MCMBP: variants seen among roughly 807,000 people sequenced by gnomAD.
MCMBP encodes the protein minichromosome maintenance complex binding protein.
A neutral mutation model predicts 81.3 loss-of-function variants in MCMBP; 31 were observed. That is an observed-to-expected ratio of 0.38 (90% confidence interval 0.29 to 0.51). The LOEUF (loss-of-function observed/expected upper bound fraction) is 0.51, where lower values mean the gene tolerates loss of function less well. Among genes scored for constraint, MCMBP ranks in the 20% least tolerant of loss-of-function variants. The probability of loss-of-function intolerance (pLI) is 0.87; values close to 1 mark genes in which losing one functional copy is unlikely to be tolerated. For synonymous variants in MCMBP, 267 were observed against 275.9 expected, an observed-to-expected ratio of 0.97 and a Z score of 0.32; for missense variants, 645 against 772.1, an observed-to-expected ratio of 0.84 and a Z score of 1.95.
chr10:119,838,457 CTCT>C (rs1852327268), intron 12 of MCMBP, 75 bp downstream of exon 12: 1 of 1,395,094 alleles, frequency 7.2e-7, no homozygotes, highest in Non-Finnish European at 9.8e-7. Context: ...TCCATAGATA[CTCT>C]TCTAAAAGTT....
intron 12 of MCMBP, among the ~76,000 whole-genome samples, chr10:119,837,814 C>T (rs971276907): frequency 6.6e-6 from 1 of 152,022 alleles, no homozygotes; most frequent in African/African-American, 2.4e-5. Context: ...TAGATCTTTT[C>T]TACACTTCCC....
At chr10:119,852,468 AG>A (rs1365520208) in intron 6 of MCMBP, among the ~76,000 whole-genome samples, 1 of 152,188 alleles carries the variant, frequency 6.6e-6, no homozygotes, top group Non-Finnish European at 1.5e-5. Flanking sequence ...TGAGCCCAGG[AG>A]TTTGAGACCA....
intron 1 of MCMBP, among the ~76,000 whole-genome samples, chr10:119,871,257 T>C (rs540210284): frequency 3.3e-5 from 5 of 152,214 alleles, no homozygotes; most frequent in Non-Finnish European, 7.3e-5. Context: ...TTATCATTTC[T>C]AGAATTCTTA....
intron 14 of MCMBP, among the ~76,000 whole-genome samples, chr10:119,834,586 G>A (rs1358680772): frequency 1.3e-5 from 2 of 152,078 alleles, no homozygotes; most frequent in African/African-American, 2.4e-5. Flanking sequence ...GGAGGCTAAG[G>A]AGAGAGGATC....
At position 119,856,676 on chromosome 10, in the gene MCMBP, G is replaced by A. The variant is rs533946718; in HGVS notation, c.429+662C>T. Among the ~76,000 whole-genome samples, 10 of 152,204 alleles carry A rather than the reference G, an allele frequency of 6.6e-5. No homozygotes were observed. In the South Asian group the frequency reaches 1.9e-3, roughly 28 times the overall value. ...AAATCTGTGCATTTCAGTGTAGGTG[G>A]GCCATGCCTTAAAAAATTACTATCG... On this transcript the variant is annotated intron_variant, in intron 5 of 15. Coordinates refer to ENST00000369077, the MANE Select transcript of MCMBP (RefSeq NM_001256378.2).
chr10:119,832,460 C>T (rs777397610), intron 14 of MCMBP, among the ~76,000 whole-genome samples: 8 of 152,178 alleles, frequency 5.3e-5, no homozygotes, highest in Non-Finnish European at 1.0e-4. Flanking sequence ...ACCATACTTG[C>T]AGCAATCCAG....
chr10:119,849,575 C>A lies in MCMBP; in HGVS notation c.576G>T (p.Gly192=), dbSNP rs1174251337. The A allele has an allele frequency of 1.3e-6, 2 of 1,573,464 alleles. No individual in the cohort carries two copies. Among genetic ancestry groups the A allele is most frequent in the Non-Finnish European group, 1.7e-6 (2 of 1,167,948 alleles). ...CACACCATTGAAGACCACCAACACT[C>A]CCTAAATTCAAAGGATAGCATTGCA... ...KDQHAGARQA[G]SVGGLQWCGE... The change falls in exon 7 of 16, where the codon GGG becomes GGT. Residue 192 remains glycine (G), a splice_region_variant and synonymous_variant. Coordinates refer to ENST00000369077, the MANE Select transcript of MCMBP (RefSeq NM_001256378.2).
chr10:119,847,858 G>T (rs951756555), intron 7 of MCMBP, 145 bp from the exon 8 acceptor site: 1 of 472,588 alleles, frequency 2.1e-6, no homozygotes, highest in Non-Finnish European at 3.7e-6. Context: ...TATAAATTGA[G>T]ACCAAGAGTC....
chr10:119,832,165 C>T (rs1314290260), intron 14 of MCMBP, 65 bp from the exon 15 acceptor site: 8 of 1,442,304 alleles, frequency 5.5e-6, no homozygotes, highest in Non-Finnish European at 7.6e-6. Context: ...TAACATGGTT[C>T]CTTGACTGAT....
In MCMBP at chr10:119,872,723, C is replaced by A. The variant is rs1330544707; in HGVS notation, c.-139G>T. 1.4e-5 allele frequency: 4 copies of A among 276,628 alleles called. No homozygotes were observed. The highest frequency in any genetic ancestry group is 2.4e-5 in the Non-Finnish European group (4 of 169,352). The allele number at this position is 276,628 out of a possible 1,614,324, so 17.1% of individuals were successfully genotyped here. On this transcript the variant is annotated 5_prime_UTR_variant, in exon 1 of 16. Transcript: ENST00000369077. The stretch of plus-strand genomic sequence containing the variant: ...TTCGCTCGCGCCCTCCCACGCACAG[C>A]GAGCCGCGGGGCGCGGGCCTCCCGC...
chr10:119,869,302 G>A (rs973184061), intron 1 of MCMBP, among the ~76,000 whole-genome samples: 1 of 152,168 alleles, frequency 6.6e-6, no homozygotes, highest in Non-Finnish European at 1.5e-5. Flanking sequence ...GGCTCGGTGT[G>A]GTGGCTCACG....
chr10:119,849,654 C>G (rs771164885), intron 6 of MCMBP, 78 bp from the exon 7 acceptor site: 29 of 1,347,968 alleles, frequency 2.2e-5, no homozygotes, highest in Non-Finnish European at 2.0e-6. Context: ...AAGTGCCTTT[C>G]AAGTTTGATA....
chr10:119,867,524 T>G (rs1162090423), intron 1 of MCMBP, among the ~76,000 whole-genome samples: 1 of 152,174 alleles, frequency 6.6e-6, no homozygotes, highest in Non-Finnish European at 1.5e-5. Context: ...TACCTAACTC[T>G]GTGCCATGGC....
chr10:119,837,859 CT>C, intron 12 of MCMBP, among the ~76,000 whole-genome samples: 1 of 152,108 alleles, frequency 6.6e-6, no homozygotes, highest in African/African-American at 2.4e-5. Flanking sequence ...GCAAAGCTTC[CT>C]CCCATTTCAG....
rs146081288 is a variant in MCMBP at position 119,845,269 on chromosome 10, C to T, written c.828-1843G>A. On this transcript the variant is annotated intron_variant, in intron 8 of 15. Coordinates refer to ENST00000369077, the MANE Select transcript of MCMBP (RefSeq NM_001256378.2). ...AACTGTGAAAAATGTTAAGTTCATC[C>T]TACACAGAAACTAAGATGATTAATG... Among the ~76,000 whole-genome samples the T allele has an allele frequency of 3.2e-4, 49 of 151,956 alleles. No individual in the cohort carries two copies. The East Asian group carries it at 7.3e-3, about 23-fold the overall frequency.
intron 1 of MCMBP, among the ~76,000 whole-genome samples, chr10:119,870,490 T>C (rs1020571344): frequency 2.0e-5 from 3 of 151,962 alleles, no homozygotes; most frequent in Non-Finnish European, 4.4e-5. Context: ...CAACAAAACT[T>C]AACTTTTCAG....
intron 1 of MCMBP, among the ~76,000 whole-genome samples, chr10:119,863,320 T>C (rs1003873613): frequency 3.3e-5 from 5 of 152,342 alleles, no homozygotes; most frequent in East Asian, 1.9e-4. Flanking sequence ...GTTAATTTTA[T>C]ATAAAATATG....
At chr10:119,866,585 C>T (rs1386799244) in intron 1 of MCMBP, among the ~76,000 whole-genome samples, 2 of 151,932 alleles carry the variant, frequency 1.3e-5, no homozygotes, top group East Asian at 3.9e-4. Context: ...AAGTTTGCAC[C>T]ACTGCACTCC....
At chr10:119,852,123 GC>G (rs1554903573) in intron 6 of MCMBP, among the ~76,000 whole-genome samples, 1 of 114,964 alleles carries the variant, frequency 8.7e-6, no homozygotes, top group Non-Finnish European at 1.6e-5. Context: ...CTGCAATCCA[GC>G]CACTGCAACA....
Sources: allele counts gnomAD v4.1 joint callset (sites outside exome capture counted in the v4.1 genomes callset), GRCh38; gene constraint gnomAD v4.1.1; transcripts MANE v1.5; gene names NCBI Gene and HGNC (gene_info 2026-07-23, HGNC 2026-07-21).